The following CBFA2T2 variants were observed in gnomAD, a reference collection of about 807,000 sequenced individuals.
CBFA2T2 encodes the protein CBFA2/RUNX1 partner transcriptional co-repressor 2.
Under a neutral mutation model 62.2 loss-of-function variants are expected in CBFA2T2, and 11 were observed. That is an observed-to-expected ratio of 0.18 (90% CI 0.11 to 0.29). The LOEUF (loss-of-function observed/expected upper bound fraction) is 0.29. CBFA2T2 is among the 10% of genes least tolerant of loss of function. The pLI is 1.00. For missense variants in CBFA2T2, 592 were observed against 774.1 expected, an observed-to-expected ratio of 0.76 and a Z score of 2.79; for synonymous variants, 295 against 287.5, an observed-to-expected ratio of 1.03 and a Z score of -0.27.
intron 4 of CBFA2T2, among the ~76,000 whole-genome samples, chr20:33,621,075 C>T (rs541377771): frequency 9.2e-5 from 14 of 152,252 alleles, no homozygotes; most frequent in Non-Finnish European, 1.5e-4. Flanking sequence ...CACAGTTACT[C>T]AGCTCTTTGT....
At chr20:33,562,424 G>A (rs1241014828) in intron 1 of CBFA2T2, 3 of 985,932 alleles carry the variant, frequency 3.0e-6, no homozygotes, top group Non-Finnish European at 2.4e-6. Context: ...TGAAGAGCTG[G>A]TCTGTTTGGC....
intron 1 of CBFA2T2, among the ~76,000 whole-genome samples, chr20:33,575,903 G>T (rs952409810): frequency 2.6e-5 from 4 of 151,656 alleles, no homozygotes; most frequent in East Asian, 1.9e-4. Flanking sequence ...TCAGCCTCCC[G>T]AGTAGCTGGG....
intron 1 of CBFA2T2, among the ~76,000 whole-genome samples, chr20:33,550,893 G>T (rs1270726538): frequency 1.3e-5 from 2 of 152,032 alleles, no homozygotes; most frequent in Admixed American, 1.3e-4. Context: ...AAAGTGCTGG[G>T]ATTACAAGCG....
intron 2 of CBFA2T2, 112 bp from the exon 3 acceptor site, chr20:33,610,982 C>G: frequency 7.5e-7 from 1 of 1,338,208 alleles, no homozygotes; most frequent in Non-Finnish European, 1.0e-6. Flanking sequence ...ACCTTTATAA[C>G]ATGTGCTTTA....
intron 1 of CBFA2T2, among the ~76,000 whole-genome samples, chr20:33,592,802 A>G (rs2014721350): frequency 6.6e-6 from 1 of 152,178 alleles, no homozygotes; most frequent in African/African-American, 2.4e-5. Flanking sequence ...CCCCTCAAAA[A>G]TACATGAACT....
intron 10 of CBFA2T2, 121 bp downstream of exon 10, chr20:33,640,652 T>C: frequency 1.2e-6 from 1 of 841,298 alleles, no homozygotes; most frequent in Non-Finnish European, 1.8e-6. Context: ...ATGAGGATAA[T>C]TTTTATCCAG....
chr20:33,526,157 G>T (rs184511056), intron 1 of CBFA2T2, among the ~76,000 whole-genome samples: 55 of 152,222 alleles, frequency 3.6e-4, no homozygotes, highest in African/African-American at 1.3e-3. Context: ...AAAGTGCTGG[G>T]ATTACAGGCG....
chr20:33,623,445 C>T (rs1331983760), intron 5 of CBFA2T2, 149 bp downstream of exon 5: 12 of 863,730 alleles, frequency 1.4e-5, no homozygotes, highest in African/African-American at 6.7e-5. Flanking sequence ...CAGACTGGAG[C>T]GCAGTGGTGC....
intron 1 of CBFA2T2, among the ~76,000 whole-genome samples, chr20:33,512,841 C>T (rs1364507765): frequency 6.6e-6 from 1 of 151,440 alleles, no homozygotes; most frequent in African/African-American, 2.4e-5. Context: ...CAAGCTCCGC[C>T]TCCTGGGTTC....
chr20:33,590,637 T>C (rs920113168), intron 1 of CBFA2T2, among the ~76,000 whole-genome samples: 3 of 152,188 alleles, frequency 2.0e-5, no homozygotes, highest in African/African-American at 4.8e-5. Context: ...CCCTGGGTGC[T>C]AGAAGTTCCT....
intron 1 of CBFA2T2, among the ~76,000 whole-genome samples, chr20:33,599,479 A>C (rs184678685): frequency 6.6e-6 from 1 of 152,134 alleles, no homozygotes; most frequent in Non-Finnish European, 1.5e-5. Flanking sequence ...AATGTAAAAA[A>C]TTTATTTTTT....
At chr20:33,524,092 T>G (rs6059366) in intron 1 of CBFA2T2, among the ~76,000 whole-genome samples, 134,567 of 151,786 alleles carry the variant, frequency 0.89, 61,347 homozygotes, top group Non-Finnish European at 1. Context: ...TGTTTTCTCG[T>G]TTTTTAGACT....
At chr20:33,640,294 G>A in intron 9 of CBFA2T2, 47 bp from the exon 10 acceptor site, 1 of 1,560,020 alleles carries the variant, frequency 6.4e-7, no homozygotes, top group Non-Finnish European at 8.8e-7. Context: ...TGGGATGGGA[G>A]GGAAAAGATT....
At position 33,629,944 on chromosome 20, in the gene CBFA2T2, A is replaced by G. The variant is rs2016390003; in HGVS notation, c.1228+30A>G. ...GGGGAGAGTCTACGGGAAACCCAAAATAAATGTCAGCCTTTAGAGCCCACC... is the reference window on the plus strand; with the variant it reads ...GGGGAGAGTCTACGGGAAACCCAAAGTAAATGTCAGCCTTTAGAGCCCACC... On this transcript the variant is annotated intron_variant, in intron 8 of 10. Coordinates refer to ENST00000342704, the MANE Select transcript of CBFA2T2 (RefSeq NM_001032999.3). 5 of 1,565,562 alleles carry G rather than the reference A, an allele frequency of 3.2e-6. No individual in the cohort carries two copies. The East Asian group carries it at 1.1e-4, about 35-fold the overall frequency.
intron 1 of CBFA2T2, among the ~76,000 whole-genome samples, chr20:33,545,024 ATG>A (rs1491079672): frequency 5.3e-5 from 8 of 151,228 alleles, no homozygotes; most frequent in African/African-American, 1.7e-4. Context: ...ACAGAACAGA[ATG>A]CAAGGTAGAC....
chr20:33,559,234 A>G (rs947651132), intron 1 of CBFA2T2, among the ~76,000 whole-genome samples: 2 of 138,876 alleles, frequency 1.4e-5, no homozygotes, highest in African/African-American at 2.8e-5. Flanking sequence ...CTGGAGTACA[A>G]TGGGGCAATC....
intron 1 of CBFA2T2, among the ~76,000 whole-genome samples, chr20:33,493,565 A>G (rs2011165364): frequency 6.6e-6 from 1 of 152,054 alleles, no homozygotes; most frequent in South Asian, 2.1e-4. Flanking sequence ...CTGCCCAGTG[A>G]GCATAGCTTC....
intron 1 of CBFA2T2, among the ~76,000 whole-genome samples, chr20:33,600,753 T>C (rs1425718429): frequency 6.6e-6 from 1 of 152,128 alleles, no homozygotes; most frequent in African/African-American, 2.4e-5. Context: ...TTCCCAGTAC[T>C]GTATGTCTGT....
At chr20:33,620,940 C>T (rs1195399995) in intron 4 of CBFA2T2, among the ~76,000 whole-genome samples, 2 of 152,322 alleles carry the variant, frequency 1.3e-5, no homozygotes, top group East Asian at 1.9e-4. Flanking sequence ...ATTCATATTT[C>T]ACCACATGTC....
Sources: allele counts gnomAD v4.1 joint callset (sites outside exome capture counted in the v4.1 genomes callset), GRCh38; gene constraint gnomAD v4.1.1; transcripts MANE v1.5; gene names NCBI Gene and HGNC (gene_info 2026-07-23, HGNC 2026-07-21).